ZNF138: variants seen among roughly 807,000 people sequenced by gnomAD.
ZNF138 encodes zinc finger protein 138.
Under a neutral mutation model 33.0 loss-of-function variants are expected in ZNF138, and 33 were observed. That is an observed-to-expected ratio of 1.00 (90% CI 0.76 to 1.34). The LOEUF (loss-of-function observed/expected upper bound fraction) is 1.34, where lower values mean the gene tolerates loss of function less well. ZNF138 is among the 40% of genes most tolerant of loss of function. The pLI is 0.00. For synonymous variants in ZNF138, 139 were observed against 120.4 expected (o/e 1.15, Z -1.01); for missense variants, 360 against 370.8 (o/e 0.97, Z 0.24).
At chr7:64,809,266 A>AC (rs1255563235) in intron 1 of ZNF138, among the ~76,000 whole-genome samples, 1 of 20,144 alleles carries the variant, frequency 5.0e-5, no homozygotes, top group Admixed American at 4.7e-4. Flanking sequence ...TGGGGGGCTG[A>AC]CCCCCCCACC....
chr7:64,842,647 GT>G, the ZNF138 span, among the ~76,000 whole-genome samples: 1 of 152,104 alleles, frequency 6.6e-6, no homozygotes, highest in Admixed American at 6.6e-5. Context: ...TGTTCATTGT[GT>G]TCCCAGAGTG....
chr7:64,832,384 A>C lies in ZNF138; in HGVS notation c.*182A>C. ...AACCAGTCCGCAAAGCTCACTGAAC[A>C]TAAGTTAATTCATACTGGAGAAAAA... On this transcript the variant is annotated 3_prime_UTR_variant, in exon 4 of 4. Transcript: ENST00000307355. 6.5e-7 allele frequency: 1 copy of C among 1,531,496 alleles called. No homozygotes were observed. The highest frequency in any genetic ancestry group is 8.7e-7 in the Non-Finnish European group (1 of 1,145,266). The allele number at this position is 1,531,496 out of a possible 1,614,324, so 94.9% of individuals were successfully genotyped here.
chr7:64,798,116 T>C (rs1388825708), intron 1 of ZNF138, among the ~76,000 whole-genome samples: 1 of 152,100 alleles, frequency 6.6e-6, no homozygotes. Context: ...AATTTTTGTA[T>C]TTTTACTAGA....
the ZNF138 span, among the ~76,000 whole-genome samples, chr7:64,844,591 T>C: frequency 4.8e-5 from 1 of 20,938 alleles, no homozygotes; most frequent in Non-Finnish European, 3.3e-4. Context: ...TTTCACTCTT[T>C]TTAATTTTTT....
At position 64,832,172 on chromosome 7, in the gene ZNF138, G is replaced by C; in HGVS notation, c.930G>C (p.Glu310Asp). Residue 310 changes from glutamate to aspartate, a missense_variant, in exon 4 of 4, where the codon GAG (glutamate) becomes GAC (aspartate). Coordinates refer to ENST00000307355, the MANE Select transcript of ZNF138 (RefSeq NM_001271639.2). ...CTGGAGAGGAACCATACAAATGTGAGGAATGTGGCAAAGCTTTTAACCTAT... is the reference window on the plus strand; with the variant it reads ...CTGGAGAGGAACCATACAAATGTGACGAATGTGGCAAAGCTTTTAACCTAT... The part of the protein sequence containing the change: ...IYTGEEPYKC[E>D]ECGKAFNLS The C allele has an allele frequency of 6.2e-7, 1 of 1,608,886 alleles. No individual in the cohort carries two copies. Among genetic ancestry groups the C allele is most frequent in the Non-Finnish European group, 8.5e-7 (1 of 1,178,570 alleles).
rs575832293 is a variant in ZNF138 at position 64,799,257 on chromosome 7, C to G, written c.3+4686C>G. ...TCTCGGCTCACCGCAACCTCTGCCT[C>G]TGGATTCAAGTGATTTCTCCTGCCG... is the stretch of plus-strand genomic sequence containing the variant. On this transcript the variant is annotated intron_variant, in intron 1 of 3. Coordinates refer to ENST00000307355, the MANE Select transcript of ZNF138 (RefSeq NM_001271639.2). 2.0e-4 allele frequency among the ~76,000 whole-genome samples: 30 copies of G among 152,060 alleles called. No homozygotes were observed. The South Asian group carries it at 6.0e-3, about 31-fold the overall frequency.
chr7:64,838,056 G>T (rs1790412942), downstream of ZNF138, among the ~76,000 whole-genome samples: 1 of 152,130 alleles, frequency 6.6e-6, no homozygotes, highest in Admixed American at 6.5e-5. Context: ...TGGCAAAACA[G>T]AGTAGGTAGC....
chr7:64,831,443 T>A lies in ZNF138; in HGVS notation c.209-8T>A. 6.6e-7 allele frequency: 1 copy of A among 1,526,054 alleles called. No homozygotes were observed. The highest frequency in any genetic ancestry group is 1.4e-5 in the South Asian group (1 of 73,356). 94.5% of individuals were successfully genotyped at this position (1,526,054 alleles called of 1,614,324 possible). On this transcript the variant is annotated splice_region_variant and splice_polypyrimidine_tract_variant and intron_variant, in intron 3 of 3. Transcript: ENST00000307355. ...GTGGAGTAATTTGTTATTTTTTGTT[T>A]CTTTCAGCTCTGTGTTCTCGTTTTG... is the stretch of plus-strand genomic sequence containing the variant.
In ZNF138 at chr7:64,815,654, G is replaced by C. The variant is rs781621488; in HGVS notation, c.208+1G>C. On this transcript the variant is annotated splice_donor_variant, in intron 3 of 3. Transcript: ENST00000307355. LOFTEE classifies it high-confidence loss of function. ...GAGATGGTGGTAGCCAAACATTCAGGTAGGTGAGAGTGAATACACAGATGG... is the reference window on the plus strand; with the variant it reads ...GAGATGGTGGTAGCCAAACATTCAGCTAGGTGAGAGTGAATACACAGATGG... The C allele has an allele frequency of 3.7e-6, 6 of 1,610,472 alleles. No individual in the cohort carries two copies. Among genetic ancestry groups the C allele is most frequent in the Non-Finnish European group, 5.1e-6 (6 of 1,178,242 alleles).
At chr7:64,815,544 T>A in intron 2 of ZNF138, 32 bp from the exon 3 acceptor site, 1 of 1,589,028 alleles carries the variant, frequency 6.3e-7, no homozygotes, top group Non-Finnish European at 8.6e-7. Flanking sequence ...TACTTATTTT[T>A]AATAAAACAA....
At chr7:64,849,833 G>A in the ZNF138 span, among the ~76,000 whole-genome samples, 2 of 152,080 alleles carry the variant, frequency 1.3e-5, no homozygotes, top group Non-Finnish European at 2.9e-5. Context: ...TGTTCTGCCA[G>A]GCAGTGAGGG....
At chr7:64,804,998 A>G (rs1482759667) in intron 1 of ZNF138, among the ~76,000 whole-genome samples, 1 of 152,072 alleles carries the variant, frequency 6.6e-6, no homozygotes, top group Non-Finnish European at 1.5e-5. Context: ...TTTCTATCCC[A>G]TGGTGTCTGT....
At chr7:64,804,816 T>C (rs1373012882) in intron 1 of ZNF138, among the ~76,000 whole-genome samples, 2 of 152,032 alleles carry the variant, frequency 1.3e-5, no homozygotes, top group African/African-American at 4.8e-5. Context: ...GTCAGAGGCA[T>C]TCCATTATAG....
Position 64,801,728 on chromosome 7 carries a change from T to C in ZNF138, c.3+7157T>C, listed in dbSNP as rs181679217. 1.8e-4 allele frequency among the ~76,000 whole-genome samples: 28 copies of C among 152,326 alleles called. No individual in the cohort carries two copies. The East Asian group carries it at 5.4e-3, about 29-fold the overall frequency. On this transcript the variant is annotated intron_variant, in intron 1 of 3. Transcript: ENST00000307355. ...CTTTTTTAATTTGCTGCCTCAATAA[T>C]GTGTCTAATAGTGTCTGTGGGGTGT...
chr7:64,854,670 A>G, the ZNF138 span, among the ~76,000 whole-genome samples: 3 of 152,248 alleles, frequency 2.0e-5, no homozygotes, highest in Non-Finnish European at 4.4e-5. Flanking sequence ...CATCTTTTCA[A>G]TGGCTTGGCA....
At chr7:64,847,511 T>G in the ZNF138 span, among the ~76,000 whole-genome samples, 1 of 151,936 alleles carries the variant, frequency 6.6e-6, no homozygotes, top group African/African-American at 2.4e-5. Context: ...TAGCAGTAAT[T>G]GTTTTATAAA....
At chr7:64,838,692 G>A in the ZNF138 span, among the ~76,000 whole-genome samples, 7 of 152,152 alleles carry the variant, frequency 4.6e-5, no homozygotes, top group Non-Finnish European at 8.8e-5. Flanking sequence ...ATCACTGCCC[G>A]CAGCGAATGT....
the ZNF138 span, among the ~76,000 whole-genome samples, chr7:64,845,021 T>G: frequency 6.6e-6 from 1 of 152,182 alleles, no homozygotes; most frequent in Non-Finnish European, 1.5e-5. Flanking sequence ...GAGATTTTGG[T>G]GCACCCATCA....
chr7:64,801,657 C>G (rs968050385), intron 1 of ZNF138, among the ~76,000 whole-genome samples: 1 of 152,022 alleles, frequency 6.6e-6, no homozygotes, highest in African/African-American at 2.4e-5. Flanking sequence ...ATGGAGAGTT[C>G]TGTAGATTTC....
Sources: gnomAD v4.1 joint callset for allele counts (sites outside exome capture counted in the v4.1 genomes callset) on GRCh38, gnomAD v4.1.1 for gene constraint, MANE v1.5 for transcripts, NCBI Gene and HGNC (gene_info 2026-07-23, HGNC 2026-07-21) for gene names.